The following GALNT17 variants were observed in gnomAD, a reference collection of about 807,000 sequenced individuals.
GALNT17 encodes UDP-GalNAc:polypeptide N-acetylgalactosaminyltransferase-like 3.
A neutral mutation model predicts 63.7 loss-of-function variants in GALNT17; 29 were observed. The ratio of observed to expected loss-of-function variants is 0.46; its 90% CI spans 0.34 to 0.62. GALNT17 has a LOEUF of 0.62. Ranked by LOEUF, GALNT17 falls within the 20% of genes least tolerant of loss-of-function variation. The pLI is 0.01. For missense variants in GALNT17, 603 were observed against 799.6 expected, an observed-to-expected ratio of 0.75 and a Z score of 2.97; for synonymous variants, 305 against 318.3, an observed-to-expected ratio of 0.96 and a Z score of 0.45.
chr7:71,309,050 T>C (rs947147415), intron 1 of GALNT17, among the ~76,000 whole-genome samples: 13 of 152,270 alleles, frequency 8.5e-5, no homozygotes, highest in South Asian at 6.2e-4. Flanking sequence ...AGCTCATTTC[T>C]TTTTACTCTC....
intron 1 of GALNT17, among the ~76,000 whole-genome samples, chr7:71,274,220 T>TG (rs1562963216): frequency 6.6e-6 from 1 of 152,230 alleles, no homozygotes; most frequent in South Asian, 2.1e-4. Context: ...CAGTAGGCTC[T>TG]GGGGGAGCTG....
At chr7:71,293,945 G>A (rs1040097144) in intron 1 of GALNT17, among the ~76,000 whole-genome samples, 3 of 152,116 alleles carry the variant, frequency 2.0e-5, no homozygotes, top group Non-Finnish European at 4.4e-5. Context: ...GGGTCACGAG[G>A]TCAGGAGATG....
intron 6 of GALNT17, among the ~76,000 whole-genome samples, chr7:71,628,747 A>T (rs1790412325): frequency 6.8e-6 from 1 of 146,370 alleles, no homozygotes; most frequent in Admixed American, 6.8e-5. Context: ...CCTGGCCAAC[A>T]TGGTGAAACC....
At chr7:71,447,615 A>G (rs1462795557) in intron 5 of GALNT17, among the ~76,000 whole-genome samples, 1 of 152,184 alleles carries the variant, frequency 6.6e-6, no homozygotes, top group Non-Finnish European at 1.5e-5. Context: ...AATGGAAGAA[A>G]TGTGTGCCCA....
chr7:71,686,718 C>T (rs1013189659), intron 9 of GALNT17, among the ~76,000 whole-genome samples: 3 of 152,094 alleles, frequency 2.0e-5, no homozygotes, highest in Non-Finnish European at 4.4e-5. Context: ...ACATCACAAT[C>T]ACTTTTGAGG....
chr7:71,597,024 C>CA (rs939197994), intron 6 of GALNT17, among the ~76,000 whole-genome samples: 1 of 151,446 alleles, frequency 6.6e-6, no homozygotes, highest in African/African-American at 2.4e-5. Flanking sequence ...CCCATCTCTA[C>CA]AAAAAAAGGG....
At chr7:71,388,484 CTG>C (rs748960920) in intron 3 of GALNT17, 83 bp downstream of exon 3, 73 of 1,498,490 alleles carry the variant, frequency 4.9e-5, no homozygotes, top group Non-Finnish European at 3.8e-5. Context: ...GCCCGAGCAT[CTG>C]TGTCTCCTGG....
At chr7:71,386,811 C>T (rs1225515799) in intron 2 of GALNT17, among the ~76,000 whole-genome samples, 1 of 152,104 alleles carries the variant, frequency 6.6e-6, no homozygotes, top group Non-Finnish European at 1.5e-5. Context: ...GTTGCACACT[C>T]CTCCAGGTGT....
intron 9 of GALNT17, among the ~76,000 whole-genome samples, chr7:71,699,369 C>T (rs554089226): frequency 2.0e-5 from 3 of 148,074 alleles, no homozygotes; most frequent in East Asian, 4.1e-4. Flanking sequence ...CCAGCTACTC[C>T]GGAGTCTGAG....
At chr7:71,573,111 C>T (rs902368054) in intron 6 of GALNT17, among the ~76,000 whole-genome samples, 15 of 151,642 alleles carry the variant, frequency 9.9e-5, no homozygotes, top group South Asian at 2.1e-4. Flanking sequence ...CAGGTTCAAA[C>T]GATTCTCCGG....
chr7:71,471,047 G>A (rs1336281687), intron 5 of GALNT17, among the ~76,000 whole-genome samples: 2 of 151,944 alleles, frequency 1.3e-5, no homozygotes, highest in Non-Finnish European at 2.9e-5. Context: ...TCTAAAAGTA[G>A]AGCTCAGCAT....
chr7:71,339,805 A>G (rs763968361), intron 2 of GALNT17, among the ~76,000 whole-genome samples: 10 of 152,182 alleles, frequency 6.6e-5, no homozygotes, highest in Non-Finnish European at 1.2e-4. Context: ...GGAGGAACCC[A>G]TGGCCCAATA....
chr7:71,195,243 CCT>C (rs1391409854), intron 1 of GALNT17, among the ~76,000 whole-genome samples: 1 of 152,080 alleles, frequency 6.6e-6, no homozygotes, highest in Non-Finnish European at 1.5e-5. Flanking sequence ...TCAGATGAAG[CCT>C]CTCTCTGTTG....
At chr7:71,438,978 A>G (rs931476388) in intron 5 of GALNT17, among the ~76,000 whole-genome samples, 1 of 149,510 alleles carries the variant, frequency 6.7e-6, no homozygotes, top group Non-Finnish European at 1.5e-5. Flanking sequence ...TTGACCTCCC[A>G]GGCTCAAGGG....
intron 5 of GALNT17, among the ~76,000 whole-genome samples, chr7:71,509,485 C>G (rs1788319752): frequency 6.6e-6 from 1 of 152,218 alleles, no homozygotes; most frequent in South Asian, 2.1e-4. Flanking sequence ...AATTTGCTAT[C>G]TCATTTAATC....
In GALNT17 at chr7:71,713,044, C is replaced by T. The variant is rs917912365; in HGVS notation, c.*898C>T. The T allele has an allele frequency of 1.3e-5, 2 of 152,736 alleles. No homozygotes were observed. Among genetic ancestry groups the T allele is most frequent in the Non-Finnish European group, 2.9e-5 (2 of 68,088 alleles). 9.5% of individuals were successfully genotyped at this position (152,736 alleles called of 1,614,324 possible). A position where few individuals can be genotyped will look rare whatever the true frequency, so the allele number is the denominator to read the frequency against. On this transcript the variant is annotated 3_prime_UTR_variant, in exon 11 of 11. Coordinates refer to ENST00000333538, the MANE Select transcript of GALNT17 (RefSeq NM_022479.3). ...CCTTGAAGATGCTTTTGGCTCACCT[C>T]ATTTCACCCCACGCTCTGCTGGCTG... is the stretch of plus-strand genomic sequence containing the variant.
chr7:71,636,306 A>T (rs960301350), intron 6 of GALNT17, among the ~76,000 whole-genome samples: 12 of 152,124 alleles, frequency 7.9e-5, no homozygotes, highest in Non-Finnish European at 1.6e-4. Context: ...GGACACAGGG[A>T]GACTATTAGA....
At chr7:71,469,535 A>T (rs1787594055) in intron 5 of GALNT17, among the ~76,000 whole-genome samples, 1 of 152,228 alleles carries the variant, frequency 6.6e-6, no homozygotes, top group South Asian at 2.1e-4. Context: ...ACACACAGAA[A>T]ATGGAAGTGA....
intron 6 of GALNT17, among the ~76,000 whole-genome samples, chr7:71,583,438 C>A (rs1416000340): frequency 6.6e-6 from 1 of 152,080 alleles, no homozygotes; most frequent in Non-Finnish European, 1.5e-5. Flanking sequence ...ATAGTCAGGC[C>A]CCCGTAGCCC....
Sources: gnomAD v4.1 joint callset for allele counts (sites outside exome capture counted in the v4.1 genomes callset) on GRCh38, gnomAD v4.1.1 for gene constraint, MANE v1.5 for transcripts, NCBI Gene and HGNC (gene_info 2026-07-23, HGNC 2026-07-21) for gene names.